TMEM114: variants seen among roughly 807,000 people sequenced by gnomAD.
TMEM114 encodes claudin-26.
TMEM114 carries 6 observed loss-of-function variants against 6.2 expected under a neutral mutation model. The observed-to-expected ratio is 0.97, with a 90% CI of 0.53 to 1.91. The LOEUF (loss-of-function observed/expected upper bound fraction) is 1.91. TMEM114 is among the 40% of genes most tolerant of loss of function. TMEM114 has a pLI of 0.01. For synonymous variants in TMEM114, 104 were observed against 73.0 expected (o/e 1.42, Z -2.16); for missense variants, 218 against 158.3 (o/e 1.38, Z -2.02).
chr16:8,537,374 G>A (rs192271550), downstream of TMEM114, among the ~76,000 whole-genome samples: 7 of 151,922 alleles, frequency 4.6e-5, no homozygotes, highest in African/African-American at 1.7e-4. Context: ...GATGGCACAC[G>A]CCTGTAGTCC....
At chr16:8,569,312 G>A (rs558085100), downstream of TMEM114, among the ~76,000 whole-genome samples, 3 of 152,262 alleles carry the variant, frequency 2.0e-5, no homozygotes, top group South Asian at 6.2e-4. Flanking sequence ...TCATGCCAGA[G>A]TTATTTTAGA....
chr16:8,574,404 C>T (rs897961344), intron 2 of TMEM114, among the ~76,000 whole-genome samples: 6 of 152,134 alleles, frequency 3.9e-5, no homozygotes, highest in Admixed American at 6.5e-5. Context: ...TAACTTGGTC[C>T]GTGACCTCCA....
chr16:8,565,289 T>C (rs891354809), downstream of TMEM114, among the ~76,000 whole-genome samples: 1 of 152,178 alleles, frequency 6.6e-6, no homozygotes, highest in Non-Finnish European at 1.5e-5. Flanking sequence ...ACTGAATGCG[T>C]GCATGAATAT....
chr16:8,547,517 A>G (rs1236218679), intron 2 of TMEM114, among the ~76,000 whole-genome samples: 3 of 151,490 alleles, frequency 2.0e-5, no homozygotes, highest in Admixed American at 2.0e-4. Flanking sequence ...CTCAGACTCC[A>G]GAGTGGCTGG....
intron 2 of TMEM114, among the ~76,000 whole-genome samples, chr16:8,552,685 T>C (rs1261104484): frequency 6.6e-6 from 1 of 150,800 alleles, no homozygotes; most frequent in East Asian, 1.9e-4. Flanking sequence ...TGCGAGCCTA[T>C]AATTATTTCA....
Position 8,562,594 on chromosome 16 carries a change from G to GCGTC in TMEM114, n.213-24769_213-24768insGACG, listed in dbSNP as rs1901292503. Among the ~76,000 whole-genome samples the GCGTC allele has an allele frequency of 5.3e-5, 8 of 151,136 alleles. No individual in the cohort carries two copies. The East Asian group carries it at 1.6e-3, about 29-fold the overall frequency. On this transcript the variant is annotated intron_variant and non_coding_transcript_variant, in intron 2 of 2. Coordinates refer to the TMEM114 transcript ENST00000623677. The stretch of plus-strand genomic sequence containing the variant: ...TGAATGAGTGAGGAAATAAGTAAGT[G>GCGTC]AATGAGTGAGTGAGTGAATGAGTGA...
At chr16:8,558,976 C>T (rs200801845) in intron 2 of TMEM114, among the ~76,000 whole-genome samples, 3 of 151,844 alleles carry the variant, frequency 2.0e-5, no homozygotes, top group Admixed American at 6.6e-5. Context: ...ATCTCCTGAC[C>T]TTGTAATCCA....
At chr16:8,532,749 C>A (rs955198514), downstream of TMEM114, among the ~76,000 whole-genome samples, 1 of 151,978 alleles carries the variant, frequency 6.6e-6, no homozygotes, top group Non-Finnish European at 1.5e-5. Flanking sequence ...ATGGTGAAAC[C>A]CCGTCTCTAC....
intron 2 of TMEM114, among the ~76,000 whole-genome samples, chr16:8,543,859 A>T (rs181742724): frequency 7.4e-4 from 113 of 152,362 alleles, no homozygotes; most frequent in African/African-American, 2.5e-3. Context: ...TAGCTACTAG[A>T]GTAACCTAAC....
At chr16:8,529,828 C>A in the TMEM114 span, among the ~76,000 whole-genome samples, 2 of 152,002 alleles carry the variant, frequency 1.3e-5, no homozygotes, top group African/African-American at 2.4e-5. Context: ...GTTTTCACAT[C>A]TCCCCTAGGT....
chr16:8,558,915 T>TTG (rs1901105140), intron 2 of TMEM114, among the ~76,000 whole-genome samples: 1 of 150,900 alleles, frequency 6.6e-6, no homozygotes, highest in South Asian at 2.1e-4. Context: ...TAATTTTTTT[T>TTG]TGTATTTTTA....
intron 2 of TMEM114, among the ~76,000 whole-genome samples, chr16:8,548,349 C>G (rs1900737615): frequency 6.6e-6 from 1 of 152,216 alleles, no homozygotes; most frequent in South Asian, 2.1e-4. Context: ...ACACATGTTT[C>G]TTGAGTGCCG....
the TMEM114 span, among the ~76,000 whole-genome samples, chr16:8,530,652 G>C: frequency 1.3e-5 from 2 of 152,004 alleles, no homozygotes; most frequent in African/African-American, 4.8e-5. Context: ...GACGGATGAA[G>C]AGAGGGAAGG....
chr16:8,539,953 G>A (rs1047152710), intron 2 of TMEM114, among the ~76,000 whole-genome samples: 3 of 152,100 alleles, frequency 2.0e-5, no homozygotes, highest in African/African-American at 4.8e-5. Context: ...GAATAGCTGG[G>A]ATTACAGGCA....
At chr16:8,553,789 C>T (rs1247222703) in intron 2 of TMEM114, among the ~76,000 whole-genome samples, 1 of 151,840 alleles carries the variant, frequency 6.6e-6, no homozygotes, top group African/African-American at 2.4e-5. Flanking sequence ...CCAATCTCAG[C>T]TTTTCAAGTT....
At chr16:8,550,428 T>C (rs9935926) in intron 2 of TMEM114, among the ~76,000 whole-genome samples, 68,475 of 151,962 alleles carry the variant, frequency 0.45, 16,143 homozygotes, top group Middle Eastern at 0.57. Context: ...CGCCTGCAAT[T>C]CCAGCACTTT....
At chr16:8,545,938 G>C (rs930184351) in intron 2 of TMEM114, among the ~76,000 whole-genome samples, 1 of 152,086 alleles carries the variant, frequency 6.6e-6, no homozygotes, top group Non-Finnish European at 1.5e-5. Context: ...AACATAGCAA[G>C]ACCCTATCTC....
chr16:8,562,120 G>A (rs1336047074), intron 2 of TMEM114, among the ~76,000 whole-genome samples: 1 of 149,366 alleles, frequency 6.7e-6, no homozygotes, highest in Non-Finnish European at 1.5e-5. Context: ...GAATAAGTAA[G>A]TGAATGAGTG....
intron 2 of TMEM114, among the ~76,000 whole-genome samples, chr16:8,578,575 G>A (rs1902023398): frequency 1.3e-5 from 2 of 152,200 alleles, no homozygotes; most frequent in Non-Finnish European, 2.9e-5. Flanking sequence ...CTTAGTACAT[G>A]AGCATATCTT....
Sources: gnomAD v4.1 joint callset for allele counts (sites outside exome capture counted in the v4.1 genomes callset) on GRCh38, gnomAD v4.1.1 for gene constraint, MANE v1.5 for transcripts, NCBI Gene and HGNC (gene_info 2026-07-23, HGNC 2026-07-21) for gene names.